The following ADD3 variants were observed in gnomAD, a reference collection of about 807,000 sequenced individuals.
The protein encoded by ADD3 is gamma-adducin.
Under a neutral mutation model 80.2 loss-of-function variants are expected in ADD3, and 25 were observed. The ratio of observed to expected loss-of-function variants is 0.31; its 90% CI spans 0.23 to 0.44. The LOEUF (loss-of-function observed/expected upper bound fraction) is 0.44, where lower values mean the gene tolerates loss of function less well. Ranked by LOEUF, ADD3 falls within the 20% of genes least tolerant of loss-of-function variation. The probability of loss-of-function intolerance (pLI) is 1.00; values close to 1 mark genes in which losing one functional copy is unlikely to be tolerated. For synonymous variants in ADD3, 284 were observed against 289.6 expected (o/e 0.98, Z 0.20); for missense variants, 829 against 847.5 (o/e 0.98, Z 0.27).
chr10:109,999,593 A>G (rs1454907488), intron 1 of ADD3, among the ~76,000 whole-genome samples: 3 of 152,224 alleles, frequency 2.0e-5, no homozygotes, highest in African/African-American at 7.2e-5. Context: ...CCTCATTTGA[A>G]AAACAGGATC....
At chr10:110,051,149 A>G (rs918901274) in intron 1 of ADD3, among the ~76,000 whole-genome samples, 8 of 152,246 alleles carry the variant, frequency 5.3e-5, no homozygotes, top group Non-Finnish European at 8.8e-5. Flanking sequence ...ACATACAAAA[A>G]TAAACTCAAA....
intron 9 of ADD3, among the ~76,000 whole-genome samples, chr10:110,122,870 A>G (rs1851693140): frequency 6.6e-6 from 1 of 151,894 alleles, no homozygotes; most frequent in Non-Finnish European, 1.5e-5. Context: ...GGGCTCAAGC[A>G]GTCCTCCCAC....
At chr10:110,039,198 A>T (rs1856002578) in intron 1 of ADD3, among the ~76,000 whole-genome samples, 1 of 152,028 alleles carries the variant, frequency 6.6e-6, no homozygotes, top group Non-Finnish European at 1.5e-5. Context: ...CTCCTTCCAG[A>T]GTAATCATGT....
chr10:110,027,731 C>T (rs1340865169), intron 1 of ADD3, among the ~76,000 whole-genome samples: 1 of 152,084 alleles, frequency 6.6e-6, no homozygotes, highest in African/African-American at 2.4e-5. Flanking sequence ...TAAAGTCTTG[C>T]CATTTCTTTG....
chr10:110,124,083 G>A lies in ADD3; in HGVS notation c.1210G>A (p.Val404Met). The change falls in exon 10 of 15, where the codon GTG becomes ATG. Residue 404 changes from valine (V) to methionine (M), a missense_variant. Physicochemically the swap from Val to Met is conservative, Grantham distance 21. Coordinates refer to ENST00000356080, the MANE Select transcript of ADD3 (RefSeq NM_016824.5). ...AGAGAAGCCTAGGCACAAGAGTGAT[G>A]TGGAAATCCCAGCAACTGTGACTGC... ...IREKPRHKSD[V>M]EIPATVTAFS... is the part of the protein sequence containing the mutation. 1 of 1,614,192 alleles carries A rather than the reference G, an allele frequency of 6.2e-7. No individual in the cohort carries two copies. The highest frequency in any genetic ancestry group is 1.1e-5 in the South Asian group (1 of 91,078).
At chr10:110,072,131 G>A (rs1265955165) in intron 1 of ADD3, among the ~76,000 whole-genome samples, 4 of 152,126 alleles carry the variant, frequency 2.6e-5, no homozygotes, top group Non-Finnish European at 4.4e-5. Context: ...GCGCAATCTC[G>A]GCTCACTGCA....
At chr10:110,079,920 G>A (rs1341279735) in intron 1 of ADD3, among the ~76,000 whole-genome samples, 2 of 152,232 alleles carry the variant, frequency 1.3e-5, no homozygotes, top group Middle Eastern at 3.4e-3. Context: ...CTCCTTTGAT[G>A]GATATTTGGA....
intron 1 of ADD3, among the ~76,000 whole-genome samples, chr10:110,029,739 AAAG>A (rs1476484573): frequency 5.3e-5 from 8 of 152,210 alleles, no homozygotes; most frequent in African/African-American, 1.7e-4. Flanking sequence ...GAATTGCAAA[AAAG>A]CAAACCATAT....
intron 1 of ADD3, among the ~76,000 whole-genome samples, chr10:110,054,481 G>A (rs1251609212): frequency 2.3e-5 from 3 of 132,990 alleles, no homozygotes; most frequent in South Asian, 4.8e-4. Context: ...TTGCCATGTT[G>A]CCCAGGCTGG....
At chr10:110,058,557 G>C (rs984021223) in intron 1 of ADD3, among the ~76,000 whole-genome samples, 2 of 152,132 alleles carry the variant, frequency 1.3e-5, no homozygotes, top group Admixed American at 6.5e-5. Context: ...GAGGACTGTG[G>C]CAACAGTGCT....
chr10:110,096,787 T>C (rs1374391036), intron 1 of ADD3, among the ~76,000 whole-genome samples: 3 of 152,162 alleles, frequency 2.0e-5, no homozygotes, highest in Non-Finnish European at 4.4e-5. Flanking sequence ...AGTCTCTACT[T>C]CTTAGTGGAA....
intron 1 of ADD3, among the ~76,000 whole-genome samples, chr10:110,035,095 C>G (rs1479114827): frequency 6.6e-5 from 10 of 152,142 alleles, no homozygotes; most frequent in African/African-American, 2.2e-4. Context: ...ATAAAAATGG[C>G]ATGTTTAATG....
In ADD3 at chr10:110,030,738, A is replaced by G. The variant is rs562168761; in HGVS notation, c.-30+22439A>G. Among the ~76,000 whole-genome samples the G allele has an allele frequency of 3.3e-5, 5 of 151,832 alleles. 1 individual carries two copies. In the South Asian group the frequency reaches 1.1e-3, roughly 33 times the overall value. ...CAGATTTCAAAGACCTAGTACAAGA[A>G]AAAGAACATAAAATAACTTTTTTTA... On this transcript the variant is annotated intron_variant, in intron 1 of 14. Coordinates refer to ENST00000356080, the MANE Select transcript of ADD3 (RefSeq NM_016824.5).
chr10:110,007,875 G>A (rs1312772533), upstream of ADD3: 4 of 149,558 alleles, frequency 2.7e-5, no homozygotes, highest in East Asian at 6.0e-4. Flanking sequence ...AGGGGGCTGC[G>A]AGGGGCGGAC....
At position 110,100,734 on chromosome 10, in the gene ADD3, C is replaced by T; in HGVS notation, c.81C>T (p.Arg27=). 6.2e-7 allele frequency: 1 copy of T among 1,613,980 alleles called. No homozygotes were observed. The highest frequency in any genetic ancestry group is 8.5e-7 in the Non-Finnish European group (1 of 1,179,958). Residue 27 remains arginine (R), a synonymous_variant, in exon 2 of 15, where the codon CGC becomes CGT. Coordinates refer to ENST00000356080, the MANE Select transcript of ADD3 (RefSeq NM_016824.5). ...SMPHKERYFD[R]INENDPEYIR... ...CTCACAAAGAGAGATATTTTGACCG[C>T]ATCAATGAAAATGACCCAGAATACA...
At chr10:110,038,659 A>G (rs1027259608) in intron 1 of ADD3, among the ~76,000 whole-genome samples, 3 of 152,220 alleles carry the variant, frequency 2.0e-5, no homozygotes, top group Non-Finnish European at 4.4e-5. Context: ...ATATACATAT[A>G]TATGTTAAAA....
chr10:110,049,616 G>A (rs959406467), intron 1 of ADD3, among the ~76,000 whole-genome samples: 4 of 152,282 alleles, frequency 2.6e-5, no homozygotes, highest in Non-Finnish European at 4.4e-5. Context: ...GGCCAGGCGC[G>A]GTGGCTCATG....
At chr10:110,103,269 C>A (rs180744736) in intron 2 of ADD3, among the ~76,000 whole-genome samples, 32 of 152,334 alleles carry the variant, frequency 2.1e-4, no homozygotes, top group African/African-American at 7.7e-4. Flanking sequence ...CAGAACTTAG[C>A]AGCTTAAAAC....
rs537030875 is a variant in ADD3, at chr10:110,101,190, T to C, written c.195+342T>C. Among the ~76,000 whole-genome samples, 15 of 152,188 alleles carry C rather than the reference T, an allele frequency of 9.9e-5. No homozygotes were observed. The South Asian group carries it at 2.9e-3, about 29-fold the overall frequency. ...CAATAAATAAGTTAGGTATATCCCA[T>C]GCACGTATTTTCTTCTTCCTTTGGG... On this transcript the variant is annotated intron_variant, in intron 2 of 14. Coordinates refer to ENST00000356080, the MANE Select transcript of ADD3 (RefSeq NM_016824.5).
Sources: allele counts gnomAD v4.1 joint callset (sites outside exome capture counted in the v4.1 genomes callset), GRCh38; gene constraint gnomAD v4.1.1; transcripts MANE v1.5; gene names NCBI Gene and HGNC (gene_info 2026-07-23, HGNC 2026-07-21).